Variants in NFIL3 observed in about 807,000 individuals in gnomAD.
NFIL3 encodes nuclear factor, interleukin 3 regulated.
Under a neutral mutation model 10.0 loss-of-function variants are expected in NFIL3, and 5 were observed. The observed-to-expected ratio is 0.50, with a 90% CI of 0.26 to 1.06. The LOEUF is 1.06. Among genes scored for constraint, NFIL3 ranks in the 50% least tolerant of loss-of-function variants. NFIL3 has a pLI of 0.13. For missense variants in NFIL3, 436 were observed against 547.6 expected (o/e 0.80, Z 2.03); for synonymous variants, 202 against 206.5 (o/e 0.98, Z 0.19).
At chr9:91,462,534 G>A in the NFIL3 span, among the ~76,000 whole-genome samples, 2 of 151,874 alleles carry the variant, frequency 1.3e-5, no homozygotes, top group African/African-American at 4.8e-5. Flanking sequence ...TTGCATACGT[G>A]GAATAAATTC....
the NFIL3 span, among the ~76,000 whole-genome samples, chr9:91,467,184 T>C: frequency 6.6e-6 from 1 of 151,822 alleles, no homozygotes; most frequent in Non-Finnish European, 1.5e-5. Context: ...TATTATATTA[T>C]ATCATATTAT....
the NFIL3 span, among the ~76,000 whole-genome samples, chr9:91,457,979 A>C: frequency 6.6e-6 from 1 of 152,098 alleles, no homozygotes. Flanking sequence ...TTGATTTTCA[A>C]ATGCAAGCCA....
At chr9:91,450,525 G>T in the NFIL3 span, among the ~76,000 whole-genome samples, 42 of 152,190 alleles carry the variant, frequency 2.8e-4, no homozygotes, top group Middle Eastern at 6.8e-3. Context: ...ATTTTCACAG[G>T]CATTGATTTC....
At chr9:91,473,296 T>C in the NFIL3 span, among the ~76,000 whole-genome samples, 8 of 152,246 alleles carry the variant, frequency 5.3e-5, no homozygotes, top group African/African-American at 1.9e-4. Flanking sequence ...TGTTCAGCTA[T>C]GCCCTGCCCC....
In NFIL3 at chr9:91,409,175, A is replaced by G; in HGVS notation, c.*171T>C. 1 of 617,320 alleles carries G rather than the reference A, an allele frequency of 1.6e-6. No individual in the cohort carries two copies. Among genetic ancestry groups the G allele is most frequent in the Non-Finnish European group, 2.7e-6 (1 of 367,462 alleles). 38.2% of individuals were successfully genotyped at this position (617,320 alleles called of 1,614,324 possible). Reference sequence around the variant, plus strand: ...GACTATACACAGGCAGAGTGATAACACAATCTAATCTTCATCATAATCTGT... The same window carrying G: ...GACTATACACAGGCAGAGTGATAACGCAATCTAATCTTCATCATAATCTGT... On this transcript the variant is annotated 3_prime_UTR_variant, in exon 2 of 2. Transcript: ENST00000297689.
chr9:91,420,009 G>C (rs1833729292), intron 1 of NFIL3, among the ~76,000 whole-genome samples: 1 of 152,172 alleles, frequency 6.6e-6, no homozygotes, highest in Admixed American at 6.5e-5. Flanking sequence ...AATCATCCAA[G>C]CTACAGAAAA....
At position 91,409,116 on chromosome 9, in the gene NFIL3, T is replaced by C; in HGVS notation, c.*230A>G. ...CTTTATAATAGAACAACAAAAATAATGTTCAATATATACAGCCTTCGCATG... is the reference window on the plus strand; with the variant it reads ...CTTTATAATAGAACAACAAAAATAACGTTCAATATATACAGCCTTCGCATG... On this transcript the variant is annotated 3_prime_UTR_variant, in exon 2 of 2. Coordinates refer to ENST00000297689, the MANE Select transcript of NFIL3 (RefSeq NM_005384.3). 2.4e-6 allele frequency: 1 copy of C among 424,834 alleles called. No individual in the cohort carries two copies. The highest frequency in any genetic ancestry group is 4.1e-6 in the Non-Finnish European group (1 of 241,206). 26.3% of individuals were successfully genotyped at this position (424,834 alleles called of 1,614,324 possible). A position where few individuals can be genotyped will look rare whatever the true frequency, so the allele number is the denominator to read the frequency against.
the NFIL3 span, among the ~76,000 whole-genome samples, chr9:91,451,298 A>G: frequency 0.096 from 14,576 of 152,204 alleles, 847 homozygotes; most frequent in African/African-American, 0.16. Flanking sequence ...ATTTCTATTG[A>G]TCTATAAGTG....
chr9:91,442,993 G>A, the NFIL3 span, among the ~76,000 whole-genome samples: 1 of 152,142 alleles, frequency 6.6e-6, no homozygotes, highest in African/African-American at 2.4e-5. Flanking sequence ...TGGACAACTG[G>A]CAGGTAAGCA....
At chr9:91,417,782 G>A (rs1350062934) in intron 1 of NFIL3, among the ~76,000 whole-genome samples, 1 of 152,094 alleles carries the variant, frequency 6.6e-6, no homozygotes, top group South Asian at 2.1e-4. Flanking sequence ...ATGTGCACTT[G>A]ATCAAGACAG....
chr9:91,445,518 G>C, the NFIL3 span, among the ~76,000 whole-genome samples: 1 of 152,132 alleles, frequency 6.6e-6, no homozygotes, highest in South Asian at 2.1e-4. Context: ...TAAAAGGTGG[G>C]GTAGAACAGC....
At chr9:91,454,262 G>A in the NFIL3 span, among the ~76,000 whole-genome samples, 2 of 149,720 alleles carry the variant, frequency 1.3e-5, no homozygotes, top group African/African-American at 4.9e-5. Context: ...AATATCACAA[G>A]TAAAATTACC....
the NFIL3 span, among the ~76,000 whole-genome samples, chr9:91,441,204 A>G: frequency 6.6e-6 from 1 of 152,228 alleles, no homozygotes; most frequent in East Asian, 1.9e-4. Context: ...GTGCATATAT[A>G]TTGATAATTG....
At chr9:91,441,974 C>T in the NFIL3 span, among the ~76,000 whole-genome samples, 20 of 152,296 alleles carry the variant, frequency 1.3e-4, no homozygotes, top group Non-Finnish European at 2.1e-4. Flanking sequence ...ATGTGTTTGC[C>T]TGTACTCATA....
chr9:91,414,117 A>G (rs1833607640), intron 1 of NFIL3, among the ~76,000 whole-genome samples: 1 of 152,146 alleles, frequency 6.6e-6, no homozygotes, highest in Non-Finnish European at 1.5e-5. Flanking sequence ...AATTTCCTTA[A>G]CTCATGTCTT....
At chr9:91,472,779 A>G in the NFIL3 span, among the ~76,000 whole-genome samples, 1 of 152,082 alleles carries the variant, frequency 6.6e-6, no homozygotes, top group South Asian at 2.1e-4. Context: ...GGAGGAGAAG[A>G]GGTGCTCTGG....
At chr9:91,444,527 C>T in the NFIL3 span, among the ~76,000 whole-genome samples, 2 of 152,096 alleles carry the variant, frequency 1.3e-5, no homozygotes, top group African/African-American at 4.8e-5. Context: ...CCTGCATTGA[C>T]GTTTGTGCAT....
At chr9:91,444,054 A>G in the NFIL3 span, among the ~76,000 whole-genome samples, 1 of 152,146 alleles carries the variant, frequency 6.6e-6, no homozygotes, top group African/African-American at 2.4e-5. Context: ...TGAAAATTCC[A>G]TGTTGCAAGC....
the NFIL3 span, among the ~76,000 whole-genome samples, chr9:91,440,682 A>G: frequency 6.6e-6 from 1 of 152,004 alleles, no homozygotes; most frequent in Non-Finnish European, 1.5e-5. Context: ...GCTGCATCCC[A>G]TAGGTTTTAG....
Sources: gnomAD v4.1 joint callset for allele counts (sites outside exome capture counted in the v4.1 genomes callset) on GRCh38, gnomAD v4.1.1 for gene constraint, MANE v1.5 for transcripts, NCBI Gene and HGNC (gene_info 2026-07-23, HGNC 2026-07-21) for gene names.